The following CNTN6 variants were observed in gnomAD, a reference collection of about 807,000 sequenced individuals.
CNTN6 encodes the protein contactin-6.
In CNTN6, 137 loss-of-function variants were observed where a neutral mutation model predicts 122.8. That is an observed-to-expected ratio of 1.12 (90% CI 0.97 to 1.29). The LOEUF (loss-of-function observed/expected upper bound fraction) is 1.29. Ranked by LOEUF, CNTN6 falls within the 50% of genes most tolerant of loss-of-function variation. The pLI, the probability that CNTN6 is intolerant of heterozygous loss-of-function variation, is 0.00. For missense variants in CNTN6, 1,634 were observed against 1,223.4 expected (o/e 1.34, Z -5.01); for synonymous variants, 570 against 426.0 (o/e 1.34, Z -4.16).
At chr3:1,271,008 G>C (rs999961214) in intron 4 of CNTN6, among the ~76,000 whole-genome samples, 3 of 152,086 alleles carry the variant, frequency 2.0e-5, no homozygotes, top group African/African-American at 7.2e-5. Context: ...TTCCTGAATA[G>C]CTGGGACCAC....
At chr3:1,289,110 G>A (rs903471073) in intron 5 of CNTN6, among the ~76,000 whole-genome samples, 4 of 152,114 alleles carry the variant, frequency 2.6e-5, no homozygotes, top group African/African-American at 9.6e-5. Flanking sequence ...CAACCTAAAT[G>A]GCTCATGAAT....
chr3:1,324,634 G>C (rs904311013), intron 8 of CNTN6, among the ~76,000 whole-genome samples: 13 of 149,662 alleles, frequency 8.7e-5, no homozygotes, highest in African/African-American at 1.5e-4. Flanking sequence ...AGACTGCTTA[G>C]AAGTTGACAT....
chr3:1,211,234 A>G (rs2094032760), intron 2 of CNTN6, among the ~76,000 whole-genome samples: 1 of 152,196 alleles, frequency 6.6e-6, no homozygotes, highest in Admixed American at 6.5e-5. Flanking sequence ...TCTGGGTGTG[A>G]TCTTGGAGCT....
intron 1 of CNTN6, among the ~76,000 whole-genome samples, chr3:1,099,328 G>T (rs1052844233): frequency 6.6e-6 from 1 of 151,834 alleles, no homozygotes; most frequent in Non-Finnish European, 1.5e-5. Flanking sequence ...GCGGGCGCCT[G>T]TAGTCCCAGC....
At chr3:1,296,718 A>G (rs1444591614) in intron 6 of CNTN6, among the ~76,000 whole-genome samples, 2 of 152,204 alleles carry the variant, frequency 1.3e-5, no homozygotes, top group Non-Finnish European at 2.9e-5. Flanking sequence ...ATGTATTTGC[A>G]AGGTCTTCAC....
intron 4 of CNTN6, among the ~76,000 whole-genome samples, chr3:1,275,301 C>CTATCT: frequency 6.6e-6 from 1 of 152,304 alleles, no homozygotes; most frequent in Admixed American, 6.5e-5. Flanking sequence ...ACTGTGATCT[C>CTATCT]CATGTCCTTA....
intron 2 of CNTN6, among the ~76,000 whole-genome samples, chr3:1,167,959 T>C (rs1173438628): frequency 2.0e-5 from 3 of 152,202 alleles, no homozygotes; most frequent in African/African-American, 2.4e-5. Flanking sequence ...TCACTCAGGC[T>C]GGAGTGCAGT....
At chr3:1,167,042 AAAATT>A (rs2093265956) in intron 2 of CNTN6, among the ~76,000 whole-genome samples, 1 of 146,614 alleles carries the variant, frequency 6.8e-6, no homozygotes, top group African/African-American at 2.7e-5. Flanking sequence ...CCCAGAACTT[AAAATT>A]AAAAAAAAAA....
chr3:1,170,804 A>G (rs1251404892), intron 2 of CNTN6, among the ~76,000 whole-genome samples: 1 of 152,144 alleles, frequency 6.6e-6, no homozygotes, highest in Non-Finnish European at 1.5e-5. Context: ...CTGGGTACCA[A>G]TCCCATCTCT....
At chr3:1,211,550 A>G (rs1281203562) in intron 2 of CNTN6, among the ~76,000 whole-genome samples, 7 of 152,146 alleles carry the variant, frequency 4.6e-5, no homozygotes, top group African/African-American at 7.2e-5. Flanking sequence ...ACCTAGAGGC[A>G]GATCTCACTA....
chr3:1,139,891 C>G (rs997244384), intron 1 of CNTN6, among the ~76,000 whole-genome samples: 1 of 152,206 alleles, frequency 6.6e-6, no homozygotes, highest in Non-Finnish European at 1.5e-5. Context: ...GGCCAAGACT[C>G]AGCTATTGTT....
intron 10 of CNTN6, among the ~76,000 whole-genome samples, chr3:1,327,973 G>A (rs1479475066): frequency 6.6e-6 from 1 of 151,776 alleles, no homozygotes; most frequent in Admixed American, 6.6e-5. Context: ...TAGCAAGAGG[G>A]GCATTGGCTG....
intron 5 of CNTN6, 129 bp from the exon 6 acceptor site, chr3:1,295,472 C>T: frequency 1.5e-6 from 1 of 667,252 alleles, no homozygotes; most frequent in Non-Finnish European, 2.6e-6. Context: ...TGACAGCTAT[C>T]AACTGAGCAA....
chr3:1,297,342 C>T (rs575949654), intron 6 of CNTN6, among the ~76,000 whole-genome samples: 39 of 152,228 alleles, frequency 2.6e-4, no homozygotes, highest in Admixed American at 1.8e-3. Flanking sequence ...ATTTCTGTTA[C>T]AACTCCTCTG....
At position 1,372,298 on chromosome 3, in the gene CNTN6, G is replaced by T; in HGVS notation, c.1493-1G>T. On this transcript the variant is annotated splice_acceptor_variant, in intron 12 of 22. Transcript: ENST00000446702. LOFTEE classifies it high-confidence loss of function. ...TAAAAAATAATTTTTTTTCTCAACA[G>T]AGAGAACTGTCATTACCGTCCCACC... The T allele has an allele frequency of 6.3e-7, 1 of 1,593,314 alleles. No homozygotes were observed. Among genetic ancestry groups the T allele is most frequent in the Non-Finnish European group, 8.5e-7 (1 of 1,173,006 alleles).
At chr3:1,310,040 C>T (rs759278939) in intron 7 of CNTN6, among the ~76,000 whole-genome samples, 38 of 151,870 alleles carry the variant, frequency 2.5e-4, no homozygotes, top group Non-Finnish European at 4.7e-4. Context: ...TTTGTTAATT[C>T]TTGGGGATTT....
intron 2 of CNTN6, among the ~76,000 whole-genome samples, chr3:1,211,602 T>C (rs1474326973): frequency 6.6e-6 from 1 of 152,048 alleles, no homozygotes; most frequent in Admixed American, 6.6e-5. Context: ...GAATAAAGCC[T>C]CTCTCCTCTA....
At chr3:1,372,201 A>G in intron 12 of CNTN6, 98 bp from the exon 13 acceptor site, 3 of 923,444 alleles carry the variant, frequency 3.2e-6, no homozygotes, top group Non-Finnish European at 4.6e-6. Context: ...TTGCATTTAT[A>G]TAATTTCAAA....
chr3:1,244,113 A>G (rs1370644267), intron 4 of CNTN6, among the ~76,000 whole-genome samples: 1 of 152,124 alleles, frequency 6.6e-6, no homozygotes, highest in Non-Finnish European at 1.5e-5. Flanking sequence ...GCCATTGTCA[A>G]GTTTGTACTG....
Sources: gnomAD v4.1 joint callset for allele counts (sites outside exome capture counted in the v4.1 genomes callset) on GRCh38, gnomAD v4.1.1 for gene constraint, MANE v1.5 for transcripts, NCBI Gene and HGNC (gene_info 2026-07-23, HGNC 2026-07-21) for gene names.